The following WDR41 variants were observed in gnomAD, a reference collection of about 807,000 sequenced individuals.
The protein encoded by WDR41 is WD repeat domain 41.
In WDR41, 63 loss-of-function variants were observed where a neutral mutation model predicts 69.3. That is an observed-to-expected ratio of 0.91 (90% CI 0.74 to 1.12). WDR41 has a LOEUF of 1.12. WDR41 is among the 50% of genes most tolerant of loss of function. The pLI is 0.00. For synonymous variants in WDR41, 185 were observed against 192.1 expected (o/e 0.96, Z 0.31); for missense variants, 543 against 534.5 (o/e 1.02, Z -0.16).
upstream of WDR41, among the ~76,000 whole-genome samples, chr5:77,497,172 T>C (rs745669561): frequency 2.0e-5 from 3 of 152,136 alleles, no homozygotes; most frequent in Non-Finnish European, 4.4e-5. Flanking sequence ...GGAGAAAATA[T>C]TCATCACATT....
chr5:77,479,944 C>A (rs1467468613), intron 2 of WDR41: 1 of 151,820 alleles, frequency 6.6e-6, no homozygotes, highest in Non-Finnish European at 1.5e-5. Context: ...GGCTAATATC[C>A]AGAATCTACA....
Position 77,432,984 on chromosome 5 carries a change from T to C in WDR41, c.*151A>G, listed in dbSNP as rs970795218. The C allele has an allele frequency of 1.1e-5, 8 of 751,056 alleles. No homozygotes were observed. Among genetic ancestry groups the C allele is most frequent in the Non-Finnish European group, 1.7e-5 (8 of 481,316 alleles). The allele number at this position is 751,056 out of a possible 1,614,324, so 46.5% of individuals were successfully genotyped here. On this transcript the variant is annotated 3_prime_UTR_variant, in exon 13 of 13. Coordinates refer to ENST00000296679, the MANE Select transcript of WDR41 (RefSeq NM_018268.4). Reference sequence around the variant, plus strand: ...ACCTGAGAAGCAACATGTTCCTGGTTGGTAGGTCCACAAAAAATTTAAACA... The same window carrying C: ...ACCTGAGAAGCAACATGTTCCTGGTCGGTAGGTCCACAAAAAATTTAAACA...
rs187051271 is a variant in WDR41 at position 77,620,035 on chromosome 5, T to G, written c.42+444A>C. On this transcript the variant is annotated intron_variant, in intron 1 of 5. Coordinates refer to the WDR41 transcript ENST00000509971. Reference sequence around the variant, plus strand: ...AAGAAATAAGCATATATATATGCTATATATATAATATACAGTGTAAATAAT... The same window carrying G: ...AAGAAATAAGCATATATATATGCTAGATATATAATATACAGTGTAAATAAT... Among the ~76,000 whole-genome samples, 215 of 152,230 alleles carry G rather than the reference T, an allele frequency of 1.4e-3. 1 individual carries two copies. The highest frequency in any genetic ancestry group is 2.9e-3 in the South Asian group (14 of 4,820).
At chr5:77,531,324 C>A (rs192835493) in intron 1 of WDR41, among the ~76,000 whole-genome samples, 3 of 151,952 alleles carry the variant, frequency 2.0e-5, no homozygotes, top group Admixed American at 2.0e-4. Context: ...TGACAAACAA[C>A]CCAATTTAAA....
chr5:77,507,927 C>G (rs758833116), intron 1 of WDR41, among the ~76,000 whole-genome samples: 1 of 151,928 alleles, frequency 6.6e-6, no homozygotes, highest in Non-Finnish European at 1.5e-5. Flanking sequence ...AGGTTCTGTC[C>G]GGTTTTCTTC....
Position 77,457,894 on chromosome 5 carries a change from C to T in WDR41, c.411+1168G>A, listed in dbSNP as rs186366827. On this transcript the variant is annotated intron_variant, in intron 5 of 12. Transcript: ENST00000296679. ...AGCTGATTCACATTACAGTAAAACC[C>T]CTTTTAAAACTACTTTCACTATATT... 6.2e-4 allele frequency among the ~76,000 whole-genome samples: 94 copies of T among 152,062 alleles called. 1 individual carries two copies. The highest frequency in any genetic ancestry group is 6.2e-3 in the Admixed American group (94 of 15,268).
At chr5:77,440,064 C>G (rs986535730) in intron 9 of WDR41, among the ~76,000 whole-genome samples, 4 of 152,114 alleles carry the variant, frequency 2.6e-5, no homozygotes, top group Non-Finnish European at 5.9e-5. Context: ...ATTCTCCCCC[C>G]ACTACATAAC....
At chr5:77,527,153 G>A (rs1322800319) in intron 1 of WDR41, among the ~76,000 whole-genome samples, 1 of 151,820 alleles carries the variant, frequency 6.6e-6, no homozygotes, top group Admixed American at 6.6e-5. Flanking sequence ...ACCAGTAATT[G>A]CGATAAATAA....
At chr5:77,572,000 G>A (rs1485522038) in intron 1 of WDR41, among the ~76,000 whole-genome samples, 2 of 152,076 alleles carry the variant, frequency 1.3e-5, no homozygotes, top group South Asian at 2.1e-4. Flanking sequence ...AAGCAACCAC[G>A]GAAGGCCTAA....
At chr5:77,566,650 G>A (rs759029839) in intron 1 of WDR41, among the ~76,000 whole-genome samples, 6 of 152,160 alleles carry the variant, frequency 3.9e-5, no homozygotes, top group Admixed American at 6.6e-5. Context: ...ATGCACGCTT[G>A]TGTGGTGGGG....
chr5:77,555,688 A>G (rs1229668438), intron 1 of WDR41, among the ~76,000 whole-genome samples: 1 of 152,206 alleles, frequency 6.6e-6, no homozygotes, highest in Non-Finnish European at 1.5e-5. Flanking sequence ...CTAACAAACA[A>G]TGGGTAAGAT....
At chr5:77,596,919 A>G (rs1222883996) in intron 1 of WDR41, among the ~76,000 whole-genome samples, 2 of 151,940 alleles carry the variant, frequency 1.3e-5, no homozygotes, top group African/African-American at 4.8e-5. Flanking sequence ...GGAGTTCGAG[A>G]CCAGCCTGGG....
chr5:77,558,089 C>CTTT lies in WDR41; in HGVS notation c.42+62387_42+62389dup, dbSNP rs368168427. Among the ~76,000 whole-genome samples the CTTT allele has an allele frequency of 2.9e-3, 203 of 68,914 alleles. 4 individuals are homozygous for CTTT. The highest frequency in any genetic ancestry group is 0.012 in the African/African-American group (194 of 16,564). 45.2% of individuals were successfully genotyped at this position (68,914 alleles called of 152,430 possible). A position where few individuals can be genotyped will look rare whatever the true frequency, so the allele number is the denominator to read the frequency against. The stretch of plus-strand genomic sequence containing the variant: ...GAACACATAGGGAACTTCAAATGTT[C>CTTT]TTTTTAAAAAAAAAAAAAAAAAAAA... On this transcript the variant is annotated intron_variant, in intron 1 of 5. Transcript: ENST00000509971.
chr5:77,578,247 G>C (rs1473134355), intron 1 of WDR41, among the ~76,000 whole-genome samples: 10 of 152,152 alleles, frequency 6.6e-5, no homozygotes, highest in Non-Finnish European at 2.9e-5. Context: ...AGAGACATTA[G>C]CCATAATGTC....
Position 77,595,932 on chromosome 5 carries a change from C to A in WDR41, c.42+24547G>T, listed in dbSNP as rs1447019865. Among the ~76,000 whole-genome samples, 3 of 152,060 alleles carry A rather than the reference C, an allele frequency of 2.0e-5. No individual in the cohort carries two copies. In the East Asian group the frequency reaches 5.8e-4, roughly 29 times the overall value. Reference sequence around the variant, plus strand: ...TTCTTTAAATGCCAGTGGTCCTGAGCAATATGATGCTATTTTATGAAATTT... The same window carrying A: ...TTCTTTAAATGCCAGTGGTCCTGAGAAATATGATGCTATTTTATGAAATTT... On this transcript the variant is annotated intron_variant, in intron 1 of 5. Transcript: ENST00000509971.
intron 2 of WDR41, among the ~76,000 whole-genome samples, chr5:77,483,713 G>A (rs1291177899): frequency 6.6e-6 from 1 of 152,126 alleles, no homozygotes; most frequent in Non-Finnish European, 1.5e-5. Context: ...ATTCTTCAGA[G>A]AAATTTCTTC....
At chr5:77,471,308 C>T (rs2151338443) in intron 2 of WDR41, among the ~76,000 whole-genome samples, 1 of 152,140 alleles carries the variant, frequency 6.6e-6, no homozygotes, top group African/African-American at 2.4e-5. Context: ...GCACTAAATG[C>T]CCACAAGAGA....
At chr5:77,600,980 G>A (rs1157732896) in intron 1 of WDR41, among the ~76,000 whole-genome samples, 1 of 148,732 alleles carries the variant, frequency 6.7e-6, no homozygotes, top group Non-Finnish European at 1.5e-5. Flanking sequence ...CATAAACAGT[G>A]TGTATCTAGT....
In WDR41 at chr5:77,588,814, A is replaced by G. The variant is rs1744084738; in HGVS notation, c.42+31665T>C. ...TGTTTTAAAAAAAATCTTTAATATT[A>G]TTGTTGATTCGTTAACAATAAGCTC... is the stretch of plus-strand genomic sequence containing the variant. On this transcript the variant is annotated intron_variant, in intron 1 of 5. Coordinates refer to the WDR41 transcript ENST00000509971. Among the ~76,000 whole-genome samples the G allele has an allele frequency of 2.0e-5, 3 of 152,184 alleles. No individual in the cohort carries two copies. The South Asian group carries it at 6.2e-4, about 32-fold the overall frequency.
Sources: allele counts gnomAD v4.1 joint callset (sites outside exome capture counted in the v4.1 genomes callset), GRCh38; gene constraint gnomAD v4.1.1; transcripts MANE v1.5; gene names NCBI Gene and HGNC (gene_info 2026-07-23, HGNC 2026-07-21).